LINGO2: variants seen among roughly 807,000 people sequenced by gnomAD.
LINGO2 encodes the protein leucine rich repeat and Ig domain containing 2, also known as leucine-rich repeat and immunoglobulin-like domain-containing nogo receptor-interacting protein 2.
Under a neutral mutation model 30.6 loss-of-function variants are expected in LINGO2, and 14 were observed. The observed-to-expected ratio is 0.46, with a 90% CI of 0.30 to 0.72. The LOEUF (loss-of-function observed/expected upper bound fraction) is 0.72. LINGO2 is among the 30% of genes least tolerant of loss of function. LINGO2 has a pLI of 0.07. For missense variants in LINGO2, 729 were observed against 751.7 expected, an observed-to-expected ratio of 0.97 and a Z score of 0.35; for synonymous variants, 317 against 288.5, an observed-to-expected ratio of 1.10 and a Z score of -1.00.
chr9:28,141,320 A>G (rs116092206), intron 4 of LINGO2, among the ~76,000 whole-genome samples: 227 of 152,236 alleles, frequency 1.5e-3, no homozygotes, highest in African/African-American at 5.2e-3. Context: ...CACAGGAGGA[A>G]TATTTGCAAA....
At chr9:28,933,546 G>A in the LINGO2 span, among the ~76,000 whole-genome samples, 1 of 151,914 alleles carries the variant, frequency 6.6e-6, no homozygotes, top group Non-Finnish European at 1.5e-5. Context: ...AAATCTGATG[G>A]GAGTACAGGG....
At chr9:28,368,635 A>G (rs932035219) in intron 3 of LINGO2, among the ~76,000 whole-genome samples, 2 of 132,716 alleles carry the variant, frequency 1.5e-5, no homozygotes, top group African/African-American at 2.9e-5. Context: ...CTCGCTTTGT[A>G]GCCCAGGTTG....
the LINGO2 span, among the ~76,000 whole-genome samples, chr9:29,174,563 C>A: frequency 1.3e-5 from 2 of 152,082 alleles, no homozygotes; most frequent in South Asian, 4.1e-4. Flanking sequence ...TTTGAAAATA[C>A]ATAATCTTAA....
At chr9:28,000,194 A>T (rs1043535313) in intron 5 of LINGO2, among the ~76,000 whole-genome samples, 4 of 152,228 alleles carry the variant, frequency 2.6e-5, no homozygotes, top group Non-Finnish European at 5.9e-5. Context: ...GAGAGGTGGC[A>T]GCAGTGCTCA....
At chr9:28,140,399 A>C (rs1587068139) in intron 4 of LINGO2, among the ~76,000 whole-genome samples, 1 of 152,176 alleles carries the variant, frequency 6.6e-6, no homozygotes. Context: ...TCACCTATAC[A>C]TTTTCATCAG....
chr9:28,774,079 CACACTT>C, the LINGO2 span, among the ~76,000 whole-genome samples: 1 of 144,636 alleles, frequency 6.9e-6, no homozygotes, highest in Admixed American at 6.9e-5. Flanking sequence ...CACACACACA[CACACTT>C]ACTTTAGCAT....
chr9:28,291,358 C>A (rs929870830), intron 4 of LINGO2, among the ~76,000 whole-genome samples: 7 of 152,150 alleles, frequency 4.6e-5, no homozygotes, highest in Non-Finnish European at 1.0e-4. Context: ...ATCATTACTA[C>A]ATCCACGTGT....
At chr9:28,471,962 C>T (rs2135173636) in intron 2 of LINGO2, among the ~76,000 whole-genome samples, 1 of 152,232 alleles carries the variant, frequency 6.6e-6, no homozygotes, top group African/African-American at 2.4e-5. Context: ...CAAGTATAAA[C>T]TCTATTATTA....
chr9:28,964,545 T>A, the LINGO2 span, among the ~76,000 whole-genome samples: 1 of 151,964 alleles, frequency 6.6e-6, no homozygotes, highest in Non-Finnish European at 1.5e-5. Context: ...TGGGGTGTTA[T>A]TCTGTAGGAA....
chr9:28,884,578 C>G, the LINGO2 span, among the ~76,000 whole-genome samples: 1 of 151,168 alleles, frequency 6.6e-6, no homozygotes, highest in African/African-American at 2.4e-5. Context: ...GACCTTTGTC[C>G]ATCTGTAAAT....
Position 28,532,440 on chromosome 9 carries a change from CT to C in LINGO2, c.-364-56416del, listed in dbSNP as rs929288494. ...CCTCAGATTTTTCTTTCTAAACCGA[CT>C]TTTTTTTTTCCAGAAAAAGAAGGGA... is the stretch of plus-strand genomic sequence containing the variant. On this transcript the variant is annotated intron_variant, in intron 1 of 5. Coordinates refer to ENST00000379992, the Ensembl canonical transcript of LINGO2. 6.2e-3 allele frequency among the ~76,000 whole-genome samples: 920 copies of C among 148,832 alleles called. 7 individuals are homozygous for C. The highest frequency in any genetic ancestry group is 0.022 in the African/African-American group (885 of 40,702).
chr9:28,195,991 AATAAAT>A (rs766660210), intron 4 of LINGO2, among the ~76,000 whole-genome samples: 25 of 151,742 alleles, frequency 1.6e-4, no homozygotes, highest in Non-Finnish European at 3.4e-4. Flanking sequence ...CTTTAACATA[AATAAAT>A]ATATTTATAT....
intron 4 of LINGO2, among the ~76,000 whole-genome samples, chr9:28,012,913 C>G (rs1822632461): frequency 6.6e-6 from 1 of 152,192 alleles, no homozygotes; most frequent in African/African-American, 2.4e-5. Context: ...AGCAGAATCA[C>G]TTGCAGCGCT....
chr9:28,631,631 G>A (rs1163599095), intron 1 of LINGO2, among the ~76,000 whole-genome samples: 1 of 152,084 alleles, frequency 6.6e-6, no homozygotes, highest in East Asian at 1.9e-4. Context: ...AACTTTAATA[G>A]GAAGAGAGAA....
the LINGO2 span, among the ~76,000 whole-genome samples, chr9:28,868,276 T>G: frequency 1.3e-5 from 2 of 152,124 alleles, no homozygotes; most frequent in African/African-American, 4.8e-5. Context: ...GAAGTATTTT[T>G]CAGTCATTGA....
intron 1 of LINGO2, among the ~76,000 whole-genome samples, chr9:28,504,673 C>T (rs1192502238): frequency 1.3e-5 from 2 of 150,790 alleles, no homozygotes; most frequent in African/African-American, 2.4e-5. Flanking sequence ...GTATTTTATA[C>T]CTAATAGATA....
chr9:29,031,185 G>A, the LINGO2 span, among the ~76,000 whole-genome samples: 1 of 152,092 alleles, frequency 6.6e-6, no homozygotes, highest in Non-Finnish European at 1.5e-5. Context: ...AAATTAAGCA[G>A]ATATAAGCAC....
At chr9:27,958,704 G>A (rs1393722173) in intron 5 of LINGO2, among the ~76,000 whole-genome samples, 2 of 152,052 alleles carry the variant, frequency 1.3e-5, no homozygotes, top group Non-Finnish European at 2.9e-5. Context: ...AGTATTTGTA[G>A]GGTTTGGTAG....
intron 3 of LINGO2, among the ~76,000 whole-genome samples, chr9:28,313,737 C>T (rs1824721796): frequency 6.6e-6 from 1 of 152,056 alleles, no homozygotes; most frequent in Admixed American, 6.5e-5. Flanking sequence ...AAATTCTTTC[C>T]CTAATGCAAA....
Sources: gnomAD v4.1 joint callset for allele counts (sites outside exome capture counted in the v4.1 genomes callset) on GRCh38, gnomAD v4.1.1 for gene constraint, MANE v1.5 for transcripts, NCBI Gene and HGNC (gene_info 2026-07-23, HGNC 2026-07-21) for gene names.